The following PECAM1 variants were observed in gnomAD, a reference collection of about 807,000 sequenced individuals.
PECAM1 encodes platelet and endothelial cell adhesion molecule 1, also known as platelet endothelial cell adhesion molecule.
In PECAM1, 8 loss-of-function variants were observed where a neutral mutation model predicts 13.8. The observed-to-expected ratio is 0.58, with a 90% CI of 0.34 to 1.05. The LOEUF is 1.05. PECAM1 is among the 50% of genes least tolerant of loss of function. The pLI, the probability that PECAM1 is intolerant of heterozygous loss-of-function variation, is 0.03. For synonymous variants in PECAM1, 136 were observed against 52.6 expected (o/e 2.58, Z -6.86); for missense variants, 304 against 141.2 (o/e 2.15, Z -5.84).
intron 6 of PECAM1, among the ~76,000 whole-genome samples, chr17:64,361,184 C>T (rs1369971161): frequency 2.5e-4 from 36 of 144,590 alleles, no homozygotes; most frequent in Admixed American, 1.6e-3. Flanking sequence ...CTTGCTCTGT[C>T]ACCCAGGCTG....
At chr17:64,328,424 A>G (rs880002466) in intron 15 of PECAM1, among the ~76,000 whole-genome samples, 2 of 152,146 alleles carry the variant, frequency 1.3e-5, no homozygotes, top group African/African-American at 2.4e-5. Flanking sequence ...TCCTCACTCT[A>G]TTAGCCATCC....
chr17:64,365,543 G>A (rs1322999748), intron 5 of PECAM1, among the ~76,000 whole-genome samples: 1 of 152,038 alleles, frequency 6.6e-6, no homozygotes, highest in East Asian at 1.9e-4. Context: ...GAACAAAGCT[G>A]GAGACATCAC....
intron 14 of PECAM1, among the ~76,000 whole-genome samples, chr17:64,329,941 G>A (rs1167556820): frequency 1.3e-5 from 2 of 152,202 alleles, no homozygotes; most frequent in African/African-American, 4.8e-5. Context: ...AAAGTCCCTG[G>A]CACTTCATTT....
At chr17:64,371,149 C>T (rs1001460919) in intron 4 of PECAM1, among the ~76,000 whole-genome samples, 5,921 of 152,164 alleles carry the variant, frequency 0.039, 381 homozygotes, top group African/African-American at 0.14. Flanking sequence ...GAAACCATAG[C>T]ACAGGAATAG....
chr17:64,383,154 A>C (rs2036520003), intron 2 of PECAM1, among the ~76,000 whole-genome samples: 1 of 152,194 alleles, frequency 6.6e-6, no homozygotes, highest in Non-Finnish European at 1.5e-5. Flanking sequence ...CGAGTCATTC[A>C]TCTGCTCTCC....
chr17:64,370,264 A>G, intron 4 of PECAM1: 1 of 341,236 alleles, frequency 2.9e-6, no homozygotes, highest in African/African-American at 2.1e-5. Context: ...GAAGCTTCCC[A>G]AAGGCCAAAC....
chr17:64,389,946 G>A (rs2036679860), intron 2 of PECAM1, among the ~76,000 whole-genome samples: 1 of 151,934 alleles, frequency 6.6e-6, no homozygotes, highest in African/African-American at 2.4e-5. Flanking sequence ...TACTTAGGAG[G>A]CTGAGACAGG....
intron 14 of PECAM1, among the ~76,000 whole-genome samples, chr17:64,333,369 C>T (rs565479988): frequency 2.6e-5 from 4 of 152,214 alleles, no homozygotes; most frequent in Admixed American, 6.5e-5. Flanking sequence ...AAAACCAGCT[C>T]TCCTGTTGGA....
Position 64,357,055 on chromosome 17 carries a change from G to A in PECAM1, c.1493-657C>T, listed in dbSNP as rs949721128. ...GCTCTTCCTCCACGCTCCCAATCTT[G>A]GGCTCTCCATACTTCACTGTTGCCC... On this transcript the variant is annotated intron_variant, in intron 7 of 15. Coordinates refer to ENST00000563924, the MANE Select transcript of PECAM1 (RefSeq NM_000442.5). 4.3e-3 allele frequency among the ~76,000 whole-genome samples: 647 copies of A among 152,088 alleles called. 2 individuals are homozygous for A. Among genetic ancestry groups the A allele is most frequent in the African/African-American group, 0.015 (626 of 41,474 alleles).
At chr17:64,370,407 GATACT>G (rs2036214446) in intron 4 of PECAM1, 1 of 160,954 alleles carries the variant, frequency 6.2e-6, no homozygotes, top group Admixed American at 6.4e-5. Flanking sequence ...TCAGCATGAA[GATACT>G]ATAGCTTTCA....
At chr17:64,386,891 G>A (rs1463489513) in intron 2 of PECAM1, among the ~76,000 whole-genome samples, 1 of 152,190 alleles carries the variant, frequency 6.6e-6, no homozygotes, top group Non-Finnish European at 1.5e-5. Flanking sequence ...TGTGTTAACT[G>A]GAGGCTCAGG....
intron 2 of PECAM1, among the ~76,000 whole-genome samples, chr17:64,387,467 A>T (rs1377496391): frequency 6.6e-6 from 1 of 152,124 alleles, no homozygotes; most frequent in African/African-American, 2.4e-5. Flanking sequence ...TCTTTTTCCT[A>T]AAAAAAGAGT....
At chr17:64,356,933 AC>A (rs2143797192) in intron 7 of PECAM1, among the ~76,000 whole-genome samples, 1 of 152,226 alleles carries the variant, frequency 6.6e-6, no homozygotes, top group South Asian at 2.1e-4. Flanking sequence ...ATCTTGTGAC[AC>A]TGCACTCTCT....
At chr17:64,343,199 C>T (rs2035478037) in intron 13 of PECAM1, among the ~76,000 whole-genome samples, 1 of 151,996 alleles carries the variant, frequency 6.6e-6, no homozygotes, top group Admixed American at 6.6e-5. Context: ...GGGGTGTGAC[C>T]CTGGACTCTA....
Position 64,375,060 on chromosome 17 carries a change from T to C in PECAM1, c.682A>G (p.Thr228Ala). 1 of 475,326 alleles carries C rather than the reference T, an allele frequency of 2.1e-6. No homozygotes were observed. Among genetic ancestry groups the C allele is most frequent in the East Asian group, 3.1e-5 (1 of 32,044 alleles). 29.4% of individuals were successfully genotyped at this position (475,326 alleles called of 1,614,324 possible). A position where few individuals can be genotyped will look rare whatever the true frequency, so the allele number is the denominator to read the frequency against. The part of the protein sequence containing the change: ...TSESTKSELV[T>A]VTESFSTPKF... The stretch of plus-strand genomic sequence containing the variant: ...GGAGCAGGATGCTGACCCGTCACGG[T>C]GACCAGTTCACTCTTGGTAGATTCT... Residue 228 changes from threonine (T) to alanine (A), a missense_variant, in exon 4 of 16, where the codon ACC (threonine) becomes GCC (alanine). Transcript: ENST00000563924.
chr17:64,332,280 A>AC (rs2035144018), intron 14 of PECAM1, among the ~76,000 whole-genome samples: 1 of 151,824 alleles, frequency 6.6e-6, no homozygotes, highest in South Asian at 2.1e-4. Flanking sequence ...TGAGGACAGC[A>AC]CCCCCAATGC....
At chr17:64,379,051 G>A (rs1417664116) in intron 2 of PECAM1, 1 of 152,198 alleles carries the variant, frequency 6.6e-6, no homozygotes, top group Admixed American at 6.5e-5. Context: ...CTTGAAACCA[G>A]TTTTTAGCCT....
intron 4 of PECAM1, among the ~76,000 whole-genome samples, chr17:64,373,526 CTGTGTG>C (rs199493363): frequency 0.039 from 5,738 of 148,974 alleles, 365 homozygotes; most frequent in African/African-American, 0.13. Flanking sequence ...GATGTTTTTT[CTGTGTG>C]TGTGTGTGTG....
rs1403615319 is a variant in PECAM1 at position 64,359,094 on chromosome 17, A to G, written c.1492+1046T>C. ...ATTACAGGTGTGAGCTACCTCAACC[A>G]GCCTATGTTAATGTTAATTGAAAAG... On this transcript the variant is annotated intron_variant, in intron 7 of 15. Transcript: ENST00000563924. Among the ~76,000 whole-genome samples, 6 of 152,234 alleles carry G rather than the reference A, an allele frequency of 3.9e-5. No homozygotes were observed. The East Asian group carries it at 1.2e-3, about 29-fold the overall frequency.
Sources: allele counts gnomAD v4.1 joint callset (sites outside exome capture counted in the v4.1 genomes callset), GRCh38; gene constraint gnomAD v4.1.1; transcripts MANE v1.5; gene names NCBI Gene and HGNC (gene_info 2026-07-23, HGNC 2026-07-21).